LIMS1: variants seen among roughly 807,000 people sequenced by gnomAD.
The protein encoded by LIMS1 is LIM zinc finger domain containing 1.
Under a neutral mutation model 44.1 loss-of-function variants are expected in LIMS1, and 18 were observed. The ratio of observed to expected loss-of-function variants is 0.41; its 90% confidence interval spans 0.28 to 0.61. LIMS1 has a LOEUF of 0.61. Among genes scored for constraint, LIMS1 ranks in the 20% least tolerant of loss-of-function variants. The pLI is 0.32. For synonymous variants in LIMS1, 93 were observed against 149.1 expected, an observed-to-expected ratio of 0.62 and a Z score of 2.74; for missense variants, 201 against 422.0, an observed-to-expected ratio of 0.48 and a Z score of 4.59.
intron 1 of LIMS1, among the ~76,000 whole-genome samples, chr2:108,580,106 A>G (rs1573365057): frequency 6.6e-6 from 1 of 152,316 alleles, no homozygotes; most frequent in Middle Eastern, 3.4e-3. Flanking sequence ...AATTTACTGG[A>G]AAAATACTGG....
At chr2:108,644,005 G>A (rs1362698702) in intron 1 of LIMS1, among the ~76,000 whole-genome samples, 1 of 152,154 alleles carries the variant, frequency 6.6e-6, no homozygotes, top group Non-Finnish European at 1.5e-5. Flanking sequence ...TGAAAAAAAG[G>A]CAGCAACCCC....
chr2:108,556,125 A>G (rs907691924), intron 1 of LIMS1, among the ~76,000 whole-genome samples: 3 of 152,142 alleles, frequency 2.0e-5, no homozygotes, highest in African/African-American at 7.2e-5. Context: ...AGCCCCTAGT[A>G]ACTTCTGTTC....
intron 1 of LIMS1, among the ~76,000 whole-genome samples, chr2:108,566,665 C>T (rs1168386990): frequency 6.6e-6 from 1 of 152,024 alleles, no homozygotes; most frequent in East Asian, 1.9e-4. Flanking sequence ...GGCATGATCT[C>T]AGCTTACTGC....
intron 1 of LIMS1, among the ~76,000 whole-genome samples, chr2:108,578,162 G>T (rs1304371678): frequency 6.6e-6 from 1 of 152,182 alleles, no homozygotes; most frequent in Non-Finnish European, 1.5e-5. Flanking sequence ...ACCCGCCTTG[G>T]CCTCCCAAAG....
intron 1 of LIMS1, among the ~76,000 whole-genome samples, chr2:108,570,582 G>A (rs1685449263): frequency 6.6e-6 from 1 of 152,080 alleles, no homozygotes; most frequent in Non-Finnish European, 1.5e-5. Flanking sequence ...ACTCCCACAA[G>A]CAAACAAACA....
At chr2:108,602,876 C>T (rs1409775013) in intron 1 of LIMS1, among the ~76,000 whole-genome samples, 1 of 152,168 alleles carries the variant, frequency 6.6e-6, no homozygotes, top group East Asian at 1.9e-4. Context: ...AGCAATCCTC[C>T]CATCTCATCC....
chr2:108,534,569 GGCGT>G lies in LIMS1; in HGVS notation c.9_12del (p.Val4ArgfsTer4). 8.4e-7 allele frequency: 1 copy of G among 1,194,628 alleles called. No homozygotes were observed. The highest frequency in any genetic ancestry group is 3.9e-5 in the East Asian group (1 of 25,876). 74.0% of individuals were successfully genotyped at this position (1,194,628 alleles called of 1,614,324 possible). On this transcript the variant is annotated frameshift_variant, in exon 1 of 10. Transcript: ENST00000544547. LOFTEE classifies it high-confidence loss of function. ...GGCGGCCGAAAGCGGAGAGATGCTG[GGCGT>G]GGCGGCCGGGATGACCCACAGGTAC...
At chr2:108,560,501 C>G (rs1685075242) in intron 1 of LIMS1, among the ~76,000 whole-genome samples, 1 of 152,034 alleles carries the variant, frequency 6.6e-6, no homozygotes, top group African/African-American at 2.4e-5. Flanking sequence ...CAGAGGCTTT[C>G]ACCAGCTGTT....
At chr2:108,681,188 C>T (rs1422561388) in intron 9 of LIMS1, 2 of 1,255,310 alleles carry the variant, frequency 1.6e-6, no homozygotes, top group African/African-American at 1.5e-5. Flanking sequence ...TGTTTTTGTT[C>T]TGTTTCTGTC....
intron 2 of LIMS1, among the ~76,000 whole-genome samples, chr2:108,665,815 C>T (rs555845401): frequency 2.0e-5 from 3 of 152,250 alleles, no homozygotes; most frequent in Admixed American, 6.5e-5. Flanking sequence ...TGAGCCACTG[C>T]GCCCAGCCAA....
chr2:108,555,370 C>T (rs977902989), intron 1 of LIMS1, among the ~76,000 whole-genome samples: 10 of 152,124 alleles, frequency 6.6e-5, no homozygotes, highest in Non-Finnish European at 8.8e-5. Flanking sequence ...CAGAAGGAAC[C>T]TGCATTTTTG....
chr2:108,591,024 G>T (rs1686358068), intron 1 of LIMS1, among the ~76,000 whole-genome samples: 1 of 152,188 alleles, frequency 6.6e-6, no homozygotes, highest in Admixed American at 6.5e-5. Flanking sequence ...GGGAGGGAGG[G>T]TGTATGTGGA....
At chr2:108,637,813 T>G (rs1335245987) in intron 1 of LIMS1, among the ~76,000 whole-genome samples, 1 of 152,110 alleles carries the variant, frequency 6.6e-6, no homozygotes, top group African/African-American at 2.4e-5. Context: ...TAGTTAAAGT[T>G]TCTAAATGGT....
intron 1 of LIMS1, among the ~76,000 whole-genome samples, chr2:108,617,052 T>G (rs1402388471): frequency 1.3e-5 from 2 of 152,168 alleles, no homozygotes; most frequent in African/African-American, 2.4e-5. Context: ...ACAGGGAAAT[T>G]AATGGCCTGG....
intron 1 of LIMS1, chr2:108,588,652 T>C (rs1686219234): frequency 8.3e-6 from 8 of 964,838 alleles, no homozygotes; most frequent in African/African-American, 1.8e-5. Context: ...TCTGGATTTG[T>C]TTTCCTTATG....
At chr2:108,654,268 A>G (rs1183094740) in intron 1 of LIMS1, among the ~76,000 whole-genome samples, 1 of 152,090 alleles carries the variant, frequency 6.6e-6, no homozygotes, top group Non-Finnish European at 1.5e-5. Context: ...ATGCCAAAGT[A>G]TGTAACAGTT....
exon 4 of LIMS1, chr2:108,672,402 C>G: frequency 9.0e-7 from 1 of 1,116,878 alleles, no homozygotes; most frequent in Non-Finnish European, 1.3e-6. Context: ...TGACCTCTGC[C>G]AGGAAGTTCT....
chr2:108,602,682 G>C (rs1215901694), intron 1 of LIMS1, among the ~76,000 whole-genome samples: 1 of 152,174 alleles, frequency 6.6e-6, no homozygotes, highest in African/African-American at 2.4e-5. Context: ...ATGAATGATT[G>C]TGTTGTTGAA....
intron 1 of LIMS1, among the ~76,000 whole-genome samples, chr2:108,644,993 G>A (rs1689962541): frequency 6.6e-6 from 1 of 152,086 alleles, no homozygotes; most frequent in Non-Finnish European, 1.5e-5. Context: ...AGAAATATGG[G>A]ACTATGTGAA....
Sources: gnomAD v4.1 joint callset for allele counts (sites outside exome capture counted in the v4.1 genomes callset) on GRCh38, gnomAD v4.1.1 for gene constraint, MANE v1.5 for transcripts, NCBI Gene and HGNC (gene_info 2026-07-23, HGNC 2026-07-21) for gene names.